Variants in BIN3 observed in about 807,000 individuals in gnomAD.
BIN3 encodes the protein bridging integrator 3.
Under a neutral mutation model 38.2 loss-of-function variants are expected in BIN3, and 41 were observed. The observed-to-expected ratio is 1.07, with a 90% confidence interval of 0.84 to 1.39. The LOEUF (loss-of-function observed/expected upper bound fraction) is 1.39, where lower values mean the gene tolerates loss of function less well. Ranked by LOEUF, BIN3 falls within the 40% of genes most tolerant of loss-of-function variation. The probability of loss-of-function intolerance (pLI) is 0.00; values close to 1 mark genes in which losing one functional copy is unlikely to be tolerated. For synonymous variants in BIN3, 145 were observed against 122.6 expected (o/e 1.18, Z -1.21); for missense variants, 361 against 324.3 (o/e 1.11, Z -0.87).
intron 1 of BIN3, among the ~76,000 whole-genome samples, chr8:22,665,358 C>G (rs901478377): frequency 5.3e-5 from 8 of 152,210 alleles, no homozygotes; most frequent in African/African-American, 1.9e-4. Flanking sequence ...TTAATAAACA[C>G]TTCCTGACTG....
intron 1 of BIN3, among the ~76,000 whole-genome samples, chr8:22,649,227 G>A (rs1032413437): frequency 2.0e-5 from 3 of 152,122 alleles, no homozygotes; most frequent in African/African-American, 7.2e-5. Flanking sequence ...ACTGCCCAGG[G>A]CAACCAGGAC....
intron 6 of BIN3, chr8:22,625,608 G>A (rs1801978283): frequency 1.7e-6 from 1 of 586,606 alleles, no homozygotes; most frequent in South Asian, 2.0e-5. Flanking sequence ...TTGGTTTTGA[G>A]ACAGAGTCTT....
chr8:22,658,637 T>C (rs1430396428), intron 1 of BIN3, among the ~76,000 whole-genome samples: 1 of 152,212 alleles, frequency 6.6e-6, no homozygotes, highest in African/African-American at 2.4e-5. Context: ...ACCTGCTTCC[T>C]GGGTCTTTGC....
intron 6 of BIN3, among the ~76,000 whole-genome samples, chr8:22,626,867 CTTA>C (rs1176932266): frequency 1.3e-5 from 2 of 152,168 alleles, no homozygotes; most frequent in Admixed American, 6.5e-5. Context: ...TCGGCTGGGG[CTTA>C]TTATTTCCTG....
intron 4 of BIN3, among the ~76,000 whole-genome samples, chr8:22,634,786 G>A (rs1802317021): frequency 6.6e-6 from 1 of 152,190 alleles, no homozygotes; most frequent in Non-Finnish European, 1.5e-5. Flanking sequence ...TAGTTTGGTG[G>A]CGGGCACGGG....
At chr8:22,624,142 CCAGGTGAGGGGAGGGACTTACCA>C in intron 7 of BIN3, 57 bp downstream of exon 7, 1 of 1,587,636 alleles carries the variant, frequency 6.3e-7, no homozygotes, top group Non-Finnish European at 8.6e-7. Context: ...CTTGGTGCCC[CCAGGTGAGGGGAGGGACTTACCA>C]CAGGTGACCA....
chr8:22,644,899 G>T (rs759967176), intron 1 of BIN3, 96 bp from the exon 2 acceptor site: 10 of 1,112,794 alleles, frequency 9.0e-6, no homozygotes, highest in Non-Finnish European at 1.2e-5. Context: ...CCCCAGGAGG[G>T]CGAGGAAGCG....
At chr8:22,649,294 C>T (rs926317100) in intron 1 of BIN3, among the ~76,000 whole-genome samples, 1 of 152,218 alleles carries the variant, frequency 6.6e-6, no homozygotes, top group Non-Finnish European at 1.5e-5. Context: ...AACTTCTCAC[C>T]TTCTTCTAAA....
At chr8:22,630,975 T>C (rs1033165463) in intron 4 of BIN3, among the ~76,000 whole-genome samples, 1 of 152,200 alleles carries the variant, frequency 6.6e-6, no homozygotes, top group African/African-American at 2.4e-5. Context: ...GACTCCTGGA[T>C]GGACAAGAAT....
At chr8:22,660,393 C>T (rs1425937554) in intron 1 of BIN3, among the ~76,000 whole-genome samples, 2 of 152,266 alleles carry the variant, frequency 1.3e-5, no homozygotes, top group African/African-American at 4.8e-5. Flanking sequence ...GGCTTAGACT[C>T]TGAGAGCACC....
intron 7 of BIN3, 21 bp from the exon 8 acceptor site, chr8:22,624,070 G>T (rs1411741441): frequency 1.3e-6 from 2 of 1,529,792 alleles, no homozygotes; most frequent in Admixed American, 3.5e-5. Context: ...AGACCTGGGT[G>T]TCAAAACTCT....
At chr8:22,661,954 C>T (rs1387130018) in intron 1 of BIN3, among the ~76,000 whole-genome samples, 16 of 151,512 alleles carry the variant, frequency 1.1e-4, no homozygotes, top group East Asian at 2.0e-4. Context: ...CCACCATGCC[C>T]GGCTAATTTT....
chr8:22,633,921 T>C (rs1268423589), intron 4 of BIN3, among the ~76,000 whole-genome samples: 1 of 152,266 alleles, frequency 6.6e-6, no homozygotes, highest in South Asian at 2.1e-4. Context: ...CATCCATTCC[T>C]GACTGAGGAC....
intron 1 of BIN3, among the ~76,000 whole-genome samples, chr8:22,648,942 A>T (rs62494262): frequency 2.9e-4 from 33 of 115,032 alleles, no homozygotes; most frequent in South Asian, 5.8e-4. Context: ...TATGTATGTA[A>T]GTGTGTGTGT....
At chr8:22,636,413 G>A (rs1339066286) in intron 4 of BIN3, 112 bp downstream of exon 4, 4 of 1,117,486 alleles carry the variant, frequency 3.6e-6, no homozygotes, top group Admixed American at 2.0e-5. Flanking sequence ...AGGACACTGG[G>A]TACACGTCCT....
At chr8:22,642,157 T>C (rs1802583597) in intron 2 of BIN3, among the ~76,000 whole-genome samples, 1 of 152,166 alleles carries the variant, frequency 6.6e-6, no homozygotes, top group Non-Finnish European at 1.5e-5. Flanking sequence ...TCCCTGAAGA[T>C]AACGTGAGCA....
At position 22,621,430 on chromosome 8, in the gene BIN3, C is replaced by G. The variant is rs763135160; in HGVS notation, c.754G>C (p.Asp252His). 1 of 1,612,918 alleles carries G rather than the reference C, an allele frequency of 6.2e-7. No individual in the cohort carries two copies. The highest frequency in any genetic ancestry group is 8.5e-7 in the Non-Finnish European group (1 of 1,179,472). ...CCAAGAGTGACGGGGATTCAGTCATCGGCCACAATGGAGAGGGCCCGGAGC... is the reference window on the plus strand; with the variant it reads ...CCAAGAGTGACGGGGATTCAGTCATGGGCCACAATGGAGAGGGCCCGGAGC... ...SELRALSIVA[D>H]D is the part of the protein sequence containing the mutation. Residue 252 changes from aspartate to histidine, a missense_variant, in exon 9 of 9, where the codon GAT becomes CAT. Asp to His is a moderately conservative substitution (Grantham distance 81). Coordinates refer to ENST00000276416, the MANE Select transcript of BIN3 (RefSeq NM_018688.6).
At chr8:22,654,079 G>C (rs1004982754) in intron 1 of BIN3, among the ~76,000 whole-genome samples, 3 of 152,148 alleles carry the variant, frequency 2.0e-5, no homozygotes, top group Non-Finnish European at 2.9e-5. Flanking sequence ...CCAAACCTTT[G>C]AGAATTCTGG....
chr8:22,633,053 G>A (rs1267781498), intron 4 of BIN3, among the ~76,000 whole-genome samples: 2 of 152,206 alleles, frequency 1.3e-5, no homozygotes, highest in African/African-American at 4.8e-5. Flanking sequence ...TGCATTGTCA[G>A]GAAGTCAAGG....
Sources: gnomAD v4.1 joint callset for allele counts (sites outside exome capture counted in the v4.1 genomes callset) on GRCh38, gnomAD v4.1.1 for gene constraint, MANE v1.5 for transcripts, NCBI Gene and HGNC (gene_info 2026-07-23, HGNC 2026-07-21) for gene names.